SLC29A1: variants seen among roughly 807,000 people sequenced by gnomAD.
SLC29A1 encodes the protein equilibrative nucleoside transporter 1.
Under a neutral mutation model 48.3 loss-of-function variants are expected in SLC29A1, and 22 were observed. That is an observed-to-expected ratio of 0.46 (90% CI 0.33 to 0.65). The LOEUF (loss-of-function observed/expected upper bound fraction) is 0.65. SLC29A1 is among the 30% of genes least tolerant of loss of function. SLC29A1 has a pLI of 0.03. For synonymous variants in SLC29A1, 228 were observed against 231.0 expected (o/e 0.99, Z 0.12); for missense variants, 491 against 575.3 (o/e 0.85, Z 1.50).
chr6:44,222,407 C>T (rs189439616), upstream of SLC29A1, among the ~76,000 whole-genome samples: 249 of 152,176 alleles, frequency 1.6e-3, 1 homozygote, highest in Admixed American at 5.2e-3. Flanking sequence ...TCCTTAGGGC[C>T]CTGTCTGTTT....
chr6:44,221,545 G>A (rs567226880), upstream of SLC29A1: 4 of 1,051,856 alleles, frequency 3.8e-6, no homozygotes, highest in Admixed American at 2.3e-5. The surrounding 1 kb of genome is among the most constrained non-coding windows in gnomAD (Gnocchi z 4.2). Flanking sequence ...TAGAGTAGAG[G>A]TGCAGCAGGA....
At chr6:44,230,102 C>A in intron 5 of SLC29A1, 56 bp downstream of exon 5, 1 of 1,593,956 alleles carries the variant, frequency 6.3e-7, no homozygotes, top group Non-Finnish European at 8.5e-7. Context: ...TACCCCCACT[C>A]TTTTTTCAGA....
upstream of SLC29A1, among the ~76,000 whole-genome samples, chr6:44,220,793 C>G (rs1776319291): frequency 6.6e-6 from 1 of 151,814 alleles, no homozygotes; most frequent in Non-Finnish European, 1.5e-5. Flanking sequence ...CCACTGCACT[C>G]CAGCCTGGGT....
At chr6:44,231,016 C>T (rs181324173) in intron 8 of SLC29A1, 127 bp downstream of exon 8, 1 of 762,656 alleles carries the variant, frequency 1.3e-6, no homozygotes, top group East Asian at 2.5e-5. Context: ...GACTGAAGGA[C>T]TACAGCAGGG....
At chr6:44,222,950 T>C (rs1776631342), upstream of SLC29A1, among the ~76,000 whole-genome samples, 1 of 152,234 alleles carries the variant, frequency 6.6e-6, no homozygotes, top group Admixed American at 6.5e-5. Context: ...CAGAGGCACA[T>C]ACCCCCTCCA....
intron 2 of SLC29A1, among the ~76,000 whole-genome samples, chr6:44,228,020 G>A (rs1037701115): frequency 2.0e-5 from 3 of 152,120 alleles, no homozygotes; most frequent in Non-Finnish European, 4.4e-5. Context: ...GGCCACTTTT[G>A]CCTGTGGGGG....
At position 44,230,441 on chromosome 6, in the gene SLC29A1, A is replaced by G. The variant is rs1204783676; in HGVS notation, c.549A>G (p.Ala183=). ...TAPIMSGQGL[A]GFFASVAMIC... ...CCATCATGAGTGGCCAGGGCCTAGC[A>G]GGCTTCTTTGCCTCCGTGGCCATGA... Residue 183 remains alanine, a synonymous_variant, in exon 6 of 13, where the codon GCA becomes GCG. Transcript: ENST00000371755. The G allele has an allele frequency of 6.2e-7, 1 of 1,613,966 alleles. No individual in the cohort carries two copies. Among genetic ancestry groups the G allele is most frequent in the East Asian group, 2.2e-5 (1 of 44,876 alleles).
At chr6:44,227,062 G>T (rs1582940195) in intron 1 of SLC29A1, 1 of 1,371,718 alleles carries the variant, frequency 7.3e-7, no homozygotes, top group African/African-American at 1.5e-5. Context: ...CAGGCAGGGG[G>T]GCCGCGCAGG....
rs772021375 is a variant in SLC29A1, at chr6:44,231,983, A to G, written c.865-15A>G. 2.5e-6 allele frequency: 4 copies of G among 1,582,830 alleles called. No individual in the cohort carries two copies. The highest frequency in any genetic ancestry group is 1.7e-5 in the Admixed American group (1 of 59,908). On this transcript the variant is annotated splice_polypyrimidine_tract_variant and intron_variant, in intron 9 of 12. Transcript: ENST00000371755. ...AAGACACAGGCATTTGGGTGACTCT[A>G]CCCCTTCTATCTAGATCTCAGTCCT...
chr6:44,232,226 C>T lies in SLC29A1; in HGVS notation c.974-117C>T. 1 of 1,157,212 alleles carries T rather than the reference C, an allele frequency of 8.6e-7. No homozygotes were observed. The highest frequency in any genetic ancestry group is 1.3e-6 in the Non-Finnish European group (1 of 765,934). 71.7% of individuals were successfully genotyped at this position (1,157,212 alleles called of 1,614,324 possible). A position where few individuals can be genotyped will look rare whatever the true frequency, so the allele number is the denominator to read the frequency against. ...GTTTCCTGGGTCCATTTGCCCTTCCCTGGGCTGGAAGCATCTTCTCCATTT... is the reference window on the plus strand; with the variant it reads ...GTTTCCTGGGTCCATTTGCCCTTCCTTGGGCTGGAAGCATCTTCTCCATTT... On this transcript the variant is annotated intron_variant, in intron 10 of 12. Coordinates refer to ENST00000371755, the MANE Select transcript of SLC29A1 (RefSeq NM_001372327.1). This position sits in a 1 kb window ranked among gnomAD's most constrained non-coding sequence, Gnocchi z 4.7.
intron 8 of SLC29A1, among the ~76,000 whole-genome samples, 174 bp from the exon 9 acceptor site, chr6:44,231,190 C>CG (rs1286075735): frequency 6.6e-6 from 1 of 152,084 alleles, no homozygotes; most frequent in East Asian, 1.9e-4. Flanking sequence ...GCCAGGCCCC[C>CG]GGGTCTTGAG....
At chr6:44,222,607 A>G (rs1776574755), upstream of SLC29A1, among the ~76,000 whole-genome samples, 1 of 152,028 alleles carries the variant, frequency 6.6e-6, no homozygotes, top group South Asian at 2.1e-4. Flanking sequence ...GTACTGCTGG[A>G]AGGGCAGGGA....
chr6:44,222,338 C>T (rs1776542921), upstream of SLC29A1, among the ~76,000 whole-genome samples: 2 of 152,032 alleles, frequency 1.3e-5, no homozygotes, highest in South Asian at 2.1e-4. Context: ...AGGCTGGGGA[C>T]ACCCATTCTG....
intron 9 of SLC29A1, 48 bp downstream of exon 9, chr6:44,231,509 T>C (rs1778869673): frequency 8.0e-7 from 1 of 1,249,836 alleles, no homozygotes; most frequent in Non-Finnish European, 1.2e-6. Flanking sequence ...CCTCTTTCTC[T>C]CCTCCTTTTG....
chr6:44,232,266 C>T lies in SLC29A1; in HGVS notation c.974-77C>T. 8.4e-7 allele frequency: 1 copy of T among 1,196,090 alleles called. No individual in the cohort carries two copies. The highest frequency in any genetic ancestry group is 1.3e-6 in the Non-Finnish European group (1 of 799,166). 74.1% of individuals were successfully genotyped at this position (1,196,090 alleles called of 1,614,324 possible). On this transcript the variant is annotated intron_variant, in intron 10 of 12. Transcript: ENST00000371755. The surrounding 1 kb of genome is among the most constrained non-coding windows in gnomAD (Gnocchi z 4.7). Reference sequence around the variant, plus strand: ...CTTCTCCATTTTACTGTTGGGGAAGCTGAGGCCCAGTGAAGGTTAGGCTTG... The same window carrying T: ...CTTCTCCATTTTACTGTTGGGGAAGTTGAGGCCCAGTGAAGGTTAGGCTTG...
At chr6:44,226,816 C>T (rs1011655478) in intron 1 of SLC29A1, 13 of 1,014,168 alleles carry the variant, frequency 1.3e-5, no homozygotes, top group Admixed American at 5.2e-5. Context: ...CCTCCTCCCC[C>T]GACCTCTTTG....
intron 1 of SLC29A1, chr6:44,224,079 T>A: frequency 5.6e-6 from 2 of 357,038 alleles, no homozygotes; most frequent in Middle Eastern, 1.4e-3. Flanking sequence ...GCTGTCTCTT[T>A]AACCCCGGTC....
At position 44,223,657 on chromosome 6, in the gene SLC29A1, G is replaced by T; in HGVS notation, c.-52+16G>T. ...TCTGCGGCAGGTGCTGCCCGGGGCCGGGGACTGGGGACTGGGGACTGCCGG... is the reference window on the plus strand; with the variant it reads ...TCTGCGGCAGGTGCTGCCCGGGGCCTGGGACTGGGGACTGGGGACTGCCGG... On this transcript the variant is annotated intron_variant, in intron 1 of 12. Coordinates refer to ENST00000371755, the MANE Select transcript of SLC29A1 (RefSeq NM_001372327.1). The surrounding 1 kb of genome is among the most constrained non-coding windows in gnomAD (Gnocchi z 5.0). 1 of 1,168,380 alleles carries T rather than the reference G, an allele frequency of 8.6e-7. No individual in the cohort carries two copies. Among genetic ancestry groups the T allele is most frequent in the Non-Finnish European group, 1.1e-6 (1 of 927,118 alleles). 72.4% of individuals were successfully genotyped at this position (1,168,380 alleles called of 1,614,324 possible).
At chr6:44,231,787 C>G (rs1685160322) in intron 9 of SLC29A1, among the ~76,000 whole-genome samples, 1 of 152,172 alleles carries the variant, frequency 6.6e-6, no homozygotes, top group African/African-American at 2.4e-5. Context: ...TGCCACCATG[C>G]CCGGCTAATT....
Sources: allele counts gnomAD v4.1 joint callset (sites outside exome capture counted in the v4.1 genomes callset), GRCh38; gene constraint gnomAD v4.1.1; non-coding constraint Gnocchi (gnomAD v3.1); transcripts MANE v1.5; gene names NCBI Gene and HGNC (gene_info 2026-07-23, HGNC 2026-07-21).